Variants in IPO5 observed in about 807,000 individuals in gnomAD.
IPO5 encodes the protein importin-5.
Under a neutral mutation model 143.3 loss-of-function variants are expected in IPO5, and 18 were observed. The observed-to-expected ratio is 0.13, with a 90% CI of 0.09 to 0.19. IPO5 has a LOEUF of 0.19. Among genes scored for constraint, IPO5 ranks in the 10% least tolerant of loss-of-function variants. The probability of loss-of-function intolerance (pLI) is 1.00; values close to 1 mark genes in which losing one functional copy is unlikely to be tolerated. For synonymous variants in IPO5, 477 were observed against 465.7 expected (o/e 1.02, Z -0.31); for missense variants, 1,013 against 1,336.9 (o/e 0.76, Z 3.78).
intron 13 of IPO5, 137 bp from the exon 14 acceptor site, chr13:98,002,330 A>G: frequency 2.8e-6 from 2 of 708,386 alleles, no homozygotes; most frequent in Non-Finnish European, 4.4e-6. Flanking sequence ...AAATGTTTTT[A>G]TATTATATAT....
At chr13:98,014,838 CT>C (rs780865647) in intron 22 of IPO5, among the ~76,000 whole-genome samples, 243 of 122,022 alleles carry the variant, frequency 2.0e-3, no homozygotes, top group Non-Finnish European at 2.1e-3. Context: ...CAATTCTTCT[CT>C]TTTTTTTTTT....
At chr13:98,012,722 C>T (rs1251172810) in intron 21 of IPO5, among the ~76,000 whole-genome samples, 1 of 151,136 alleles carries the variant, frequency 6.6e-6, no homozygotes, top group Admixed American at 6.6e-5. Context: ...AGTGCAGTGG[C>T]GTGATCAGGA....
chr13:97,992,385 T>C (rs949821974), intron 9 of IPO5, among the ~76,000 whole-genome samples: 15 of 152,150 alleles, frequency 9.9e-5, no homozygotes, highest in African/African-American at 3.6e-4. Context: ...GTACTTACTA[T>C]GCGTATGAGA....
Position 98,012,801 on chromosome 13 carries a change from A to AT in IPO5, c.2152+485dup, listed in dbSNP as rs59658983. 3.2e-3 allele frequency among the ~76,000 whole-genome samples: 353 copies of AT among 109,154 alleles called. 4 individuals are homozygous for AT. Among genetic ancestry groups the AT allele is most frequent in the Middle Eastern group, 0.015 (3 of 202 alleles). The allele number at this position is 109,154 out of a possible 152,430, so 71.6% of individuals were successfully genotyped here. A position where few individuals can be genotyped will look rare whatever the true frequency, so the allele number is the denominator to read the frequency against. ...ACAACACCAAGCCCAGCTAGATTTG[A>AT]TTTTTTTTTTTTTTTTTTTTTTTTT... On this transcript the variant is annotated intron_variant, in intron 21 of 28. Transcript: ENST00000651721.
chr13:98,016,023 C>T (rs1235409268), intron 24 of IPO5, among the ~76,000 whole-genome samples: 2 of 152,172 alleles, frequency 1.3e-5, no homozygotes, highest in Non-Finnish European at 2.9e-5. Context: ...TTGAGGTTTA[C>T]CTAGTTCATT....
intron 2 of IPO5, among the ~76,000 whole-genome samples, chr13:97,954,434 T>C (rs1436896291): frequency 6.6e-6 from 1 of 152,232 alleles, no homozygotes; most frequent in African/African-American, 2.4e-5. Context: ...TCACTGCCTT[T>C]AATTTCTCAA....
At chr13:98,021,633 G>A (rs763603377) in intron 28 of IPO5, 103 bp from the exon 29 acceptor site, 1 of 534,244 alleles carries the variant, frequency 1.9e-6, no homozygotes, top group Non-Finnish European at 3.2e-6. Flanking sequence ...ATGTACCTAG[G>A]GAGAAGGTAT....
At chr13:98,013,981 GA>G (rs1212992781) in intron 21 of IPO5, 60 bp from the exon 22 acceptor site, 1 of 1,479,650 alleles carries the variant, frequency 6.8e-7, no homozygotes, top group Non-Finnish European at 9.2e-7. Context: ...TTAGTGCATT[GA>G]ACCCTTTAAC....
At chr13:98,017,531 C>A (rs1211589335) in intron 25 of IPO5, among the ~76,000 whole-genome samples, 1 of 152,154 alleles carries the variant, frequency 6.6e-6, no homozygotes, top group African/African-American at 2.4e-5. Flanking sequence ...AACTCCTGAC[C>A]TAGTGATCCA....
chr13:97,967,911 A>G (rs879293653), intron 2 of IPO5, among the ~76,000 whole-genome samples: 7 of 152,070 alleles, frequency 4.6e-5, no homozygotes, highest in Admixed American at 2.6e-4. Flanking sequence ...GATTACAGGC[A>G]TGAGCCACCG....
intron 28 of IPO5, 37 bp from the exon 29 acceptor site, chr13:98,021,699 T>G: frequency 7.7e-7 from 1 of 1,300,598 alleles, no homozygotes; most frequent in Non-Finnish European, 1.1e-6. Flanking sequence ...CAAATGAGCA[T>G]TTCGTCCTAA....
At chr13:97,981,457 C>T (rs1318674188) in intron 4 of IPO5, 3 of 292,562 alleles carry the variant, frequency 1.0e-5, no homozygotes, top group Non-Finnish European at 2.0e-5. Context: ...TCATGGATGC[C>T]ATGGGGCACT....
chr13:97,984,227 C>A (rs1327547688), intron 5 of IPO5, among the ~76,000 whole-genome samples: 1 of 151,846 alleles, frequency 6.6e-6, no homozygotes, highest in African/African-American at 2.4e-5. Flanking sequence ...ATCCGCCCGC[C>A]TCGGCCTCCC....
rs1279238054 is a variant in IPO5, at chr13:97,984,002, G to A, written c.171+1419G>A. 3.4e-3 allele frequency among the ~76,000 whole-genome samples: 318 copies of A among 92,284 alleles called. 3 individuals carry two copies. Among genetic ancestry groups the A allele is most frequent in the African/African-American group, 0.011 (296 of 25,962 alleles). The allele number at this position is 92,284 out of a possible 152,430, so 60.5% of individuals were successfully genotyped here. A position where few individuals can be genotyped will look rare whatever the true frequency, so the allele number is the denominator to read the frequency against. On this transcript the variant is annotated intron_variant, in intron 5 of 28. Coordinates refer to ENST00000651721, the MANE Select transcript of IPO5 (RefSeq NM_002271.6). ...TTTTTTTTTTTTTTTTTTTTGAGAC[G>A]GAGTCTCGCTCTGTCGCCCAGGCTG...
In IPO5 at chr13:98,021,938, T is replaced by C. The variant is rs1890524789; in HGVS notation, c.*116T>C. ...GATCGGTAGTGTTGTGTGTAGGCCA[T>C]TCTTCTGGAGAGCCACAAGCAGGAA... On this transcript the variant is annotated 3_prime_UTR_variant, in exon 29 of 29. Transcript: ENST00000651721. 3.6e-6 allele frequency: 2 copies of C among 560,148 alleles called. No individual in the cohort carries two copies. Among genetic ancestry groups the C allele is most frequent in the Admixed American group, 2.9e-5 (1 of 34,128 alleles). 34.7% of individuals were successfully genotyped at this position (560,148 alleles called of 1,614,324 possible).
chr13:97,969,661 G>C, intron 2 of IPO5, 62 bp from the exon 3 acceptor site: 1 of 740,498 alleles, frequency 1.4e-6, no homozygotes, highest in Non-Finnish European at 2.4e-6. Context: ...TGATTTTTAA[G>C]AATATCATCT....
chr13:97,991,053 G>GA (rs527638564), intron 9 of IPO5, among the ~76,000 whole-genome samples: 1 of 151,976 alleles, frequency 6.6e-6, no homozygotes, highest in Non-Finnish European at 1.5e-5. Flanking sequence ...TGCTCCTGGG[G>GA]AAAAAAATTT....
At chr13:97,964,957 T>A (rs1885199646) in intron 2 of IPO5, among the ~76,000 whole-genome samples, 2 of 152,096 alleles carry the variant, frequency 1.3e-5, no homozygotes, top group Non-Finnish European at 2.9e-5. Context: ...CCATCAATGA[T>A]AGACTGGATA....
chr13:97,974,778 GA>G (rs1213965446), intron 3 of IPO5, among the ~76,000 whole-genome samples: 3 of 151,344 alleles, frequency 2.0e-5, no homozygotes, highest in African/African-American at 7.3e-5. Flanking sequence ...GCATAAGAAT[GA>G]AAACTTGTCA....
Sources: gnomAD v4.1 joint callset for allele counts (sites outside exome capture counted in the v4.1 genomes callset) on GRCh38, gnomAD v4.1.1 for gene constraint, MANE v1.5 for transcripts, NCBI Gene and HGNC (gene_info 2026-07-23, HGNC 2026-07-21) for gene names.